The following DUSP5 variants were observed in gnomAD, a reference collection of about 807,000 sequenced individuals.
DUSP5 encodes the protein dual specificity protein phosphatase 5.
DUSP5 carries 22 observed loss-of-function variants against 33.6 expected under a neutral mutation model. The ratio of observed to expected loss-of-function variants is 0.66; its 90% CI spans 0.47 to 0.94. DUSP5 has a LOEUF of 0.94. Ranked by LOEUF, DUSP5 falls within the 40% of genes least tolerant of loss-of-function variation. The pLI is 0.00. For synonymous variants in DUSP5, 270 were observed against 231.1 expected (o/e 1.17, Z -1.53); for missense variants, 551 against 522.1 (o/e 1.06, Z -0.54).
chr10:110,504,489 C>CTGAT (rs1170043406), intron 2 of DUSP5, among the ~76,000 whole-genome samples: 1 of 152,216 alleles, frequency 6.6e-6, no homozygotes, highest in African/African-American at 2.4e-5. Context: ...AATTTCCAGG[C>CTGAT]ACTCAGGAGA....
In DUSP5 at chr10:110,510,293, A is replaced by G. The variant is rs1860172775; in HGVS notation, c.1022A>G (p.His341Arg). Residue 341 changes from histidine to arginine, a missense_variant, in exon 4 of 4, where the codon CAT (histidine) becomes CGT (arginine). Around this residue, in one of 3 missense-constraint regions of DUSP5, gnomAD observed 158 missense variants for 181.8 expected, o/e 0.87. Coordinates refer to ENST00000369583, the MANE Select transcript of DUSP5 (RefSeq NM_004419.4). ...GCAGCAGGCTCTTCACTGATAGGCC[A>G]TTTGCAGACACTGAGCCCTGACATG... ...GEAAGSSLIG[H>R]LQTLSPDMQG... The G allele has an allele frequency of 6.2e-7, 1 of 1,614,090 alleles. No individual in the cohort carries two copies. The highest frequency in any genetic ancestry group is 8.5e-7 in the Non-Finnish European group (1 of 1,180,014).
At position 110,509,235 on chromosome 10, in the gene DUSP5, T is replaced by C. The variant is rs1427245574; in HGVS notation, c.749-785T>C. Among the ~76,000 whole-genome samples, 2 of 152,204 alleles carry C rather than the reference T, an allele frequency of 1.3e-5. 1 individual carries two copies. Among genetic ancestry groups the C allele is most frequent in the Admixed American group, 1.3e-4 (2 of 15,286 alleles). ...GGGAGGTAGAACAGGAAGGGAGGCA[T>C]CCTCCCCTTTTTGTCATATTGAGCT... On this transcript the variant is annotated intron_variant, in intron 3 of 3. Transcript: ENST00000369583.
chr10:110,508,136 TCAC>T (rs1860141059), intron 3 of DUSP5, among the ~76,000 whole-genome samples: 4 of 152,120 alleles, frequency 2.6e-5, no homozygotes, highest in Admixed American at 2.6e-4. Context: ...GGCCCTCTGT[TCAC>T]CACACAATTT....
rs1859981851 is a variant in DUSP5 at position 110,498,167 on chromosome 10, C to A, written c.46C>A (p.Arg16Ser). The change falls in exon 1 of 4, where the codon CGC becomes AGC. Residue 16 changes from arginine to serine, a missense_variant. By Grantham distance (110) the Arg-to-Ser change is moderately radical. This residue lies in a region of DUSP5 where 381 missense variants were observed against 310.4 expected (regional missense o/e 1.23). Coordinates refer to ENST00000369583, the MANE Select transcript of DUSP5 (RefSeq NM_004419.4). ...CGGGCGCCAGCTGCGCAAGATGCTCCGCAAGGAGGCGGCGGCGCGCTGCGT... is the reference window on the plus strand; with the variant it reads ...CGGGCGCCAGCTGCGCAAGATGCTCAGCAAGGAGGCGGCGGCGCGCTGCGT... ...LDGRQLRKML[R>S]KEAAARCVVL... The A allele has an allele frequency of 2.0e-6, 3 of 1,486,644 alleles. No individual in the cohort carries two copies. Among genetic ancestry groups the A allele is most frequent in the Non-Finnish European group, 2.7e-6 (3 of 1,116,878 alleles). The allele number at this position is 1,486,644 out of a possible 1,614,324, so 92.1% of individuals were successfully genotyped here. A position where few individuals can be genotyped will look rare whatever the true frequency, so the allele number is the denominator to read the frequency against.
rs542612784 is a variant in DUSP5, at chr10:110,511,065, G to C, written c.*639G>C. The stretch of plus-strand genomic sequence containing the variant: ...TTTTTTTTGCCATGGGTTCTTCACT[G>C]ACCTTGGACTTTGGCATGATTCTTA... On this transcript the variant is annotated 3_prime_UTR_variant, in exon 4 of 4. Coordinates refer to ENST00000369583, the MANE Select transcript of DUSP5 (RefSeq NM_004419.4). 1 of 152,758 alleles carries C rather than the reference G, an allele frequency of 6.5e-6. No individual in the cohort carries two copies. The highest frequency in any genetic ancestry group is 2.1e-4 in the South Asian group (1 of 4,830). 9.5% of individuals were successfully genotyped at this position (152,758 alleles called of 1,614,324 possible).
intron 1 of DUSP5, among the ~76,000 whole-genome samples, chr10:110,498,787 G>A (rs1859998460): frequency 6.6e-6 from 1 of 152,064 alleles, no homozygotes; most frequent in Non-Finnish European, 1.5e-5. Flanking sequence ...TTTGGGGGCC[G>A]TCGGCTCGTG....
At chr10:110,498,540 G>A in intron 1 of DUSP5, 40 bp downstream of exon 1, 3 of 1,403,498 alleles carry the variant, frequency 2.1e-6, no homozygotes, top group Admixed American at 3.0e-5. Flanking sequence ...CCCCTCCGGC[G>A]CCCCCGGGTC....
chr10:110,506,659 G>A (rs1420644496), intron 2 of DUSP5, among the ~76,000 whole-genome samples: 6 of 152,054 alleles, frequency 3.9e-5, no homozygotes, highest in Non-Finnish European at 7.4e-5. Flanking sequence ...GAAGGCTGTC[G>A]GCATATCCTG....
At chr10:110,506,325 G>A (rs900072172) in intron 2 of DUSP5, among the ~76,000 whole-genome samples, 6 of 152,226 alleles carry the variant, frequency 3.9e-5, no homozygotes, top group African/African-American at 7.2e-5. Context: ...CCAGCTACTC[G>A]GGAGACTGAG....
In DUSP5 at chr10:110,510,864, G is replaced by A; in HGVS notation, c.*438G>A. The stretch of plus-strand genomic sequence containing the variant: ...TTTTTTGAACTTTGGCAGTTTCAAT[G>A]TCTGTCTCTGTTGCTTCGGGGCATA... On this transcript the variant is annotated 3_prime_UTR_variant, in exon 4 of 4. Transcript: ENST00000369583. The A allele has an allele frequency of 6.2e-6, 1 of 162,248 alleles. No individual in the cohort carries two copies. The highest frequency in any genetic ancestry group is 1.3e-5 in the Non-Finnish European group (1 of 74,300). 10.1% of individuals were successfully genotyped at this position (162,248 alleles called of 1,614,324 possible). A position where few individuals can be genotyped will look rare whatever the true frequency, so the allele number is the denominator to read the frequency against.
intron 2 of DUSP5, among the ~76,000 whole-genome samples, chr10:110,503,797 G>C (rs553463983): frequency 9.6e-4 from 146 of 152,304 alleles, no homozygotes; most frequent in Admixed American, 2.4e-3. Flanking sequence ...TTTCCACATG[G>C]CCTCTAATCT....
Position 110,511,038 on chromosome 10 carries a change from G to A in DUSP5, c.*612G>A, listed in dbSNP as rs773766417. The A allele has an allele frequency of 6.6e-6, 1 of 152,638 alleles. No individual in the cohort carries two copies. The highest frequency in any genetic ancestry group is 2.4e-5 in the African/African-American group (1 of 41,408). 9.5% of individuals were successfully genotyped at this position (152,638 alleles called of 1,614,324 possible). A position where few individuals can be genotyped will look rare whatever the true frequency, so the allele number is the denominator to read the frequency against. On this transcript the variant is annotated 3_prime_UTR_variant, in exon 4 of 4. Transcript: ENST00000369583. Reference sequence around the variant, plus strand: ...AAGTAGCAAGATGTTGGCTTTTCTGGATTTTTTTTGCCATGGGTTCTTCAC... The same window carrying A: ...AAGTAGCAAGATGTTGGCTTTTCTGAATTTTTTTTGCCATGGGTTCTTCAC...
At chr10:110,499,635 G>C (rs1478009043) in intron 1 of DUSP5, among the ~76,000 whole-genome samples, 3 of 152,176 alleles carry the variant, frequency 2.0e-5, no homozygotes, top group African/African-American at 7.2e-5. Flanking sequence ...TCCCCTCTCT[G>C]CTAGCACCTC....
chr10:110,510,376 A>G lies in DUSP5; in HGVS notation c.1105A>G (p.Thr369Ala), dbSNP rs142629528. The G allele has an allele frequency of 7.4e-6, 12 of 1,612,056 alleles. No individual in the cohort carries two copies. In the African/African-American group the frequency reaches 8.0e-5, roughly 11 times the overall value. Residue 369 changes from threonine to alanine, a missense_variant, in exon 4 of 4, where the codon ACA (threonine) becomes GCA (alanine). Thr to Ala is a moderately conservative substitution (Grantham distance 58, BLOSUM62 0). Around this residue, in one of 3 missense-constraint regions of DUSP5, gnomAD observed 158 missense variants for 181.8 expected, o/e 0.87. Transcript: ENST00000369583. ...GCTGGCACCGGTGCCTACCCACTCA[A>G]CAGTCTCAGAGCTCAGCAGAAGCCC... ...SVLAPVPTHSTVSELSRSPVA... is the reference protein window; with the variant it reads ...SVLAPVPTHSAVSELSRSPVA...
intron 2 of DUSP5, 87 bp downstream of exon 2, chr10:110,502,956 C>A (rs956050064): frequency 1.3e-6 from 2 of 1,539,332 alleles, no homozygotes; most frequent in African/African-American, 2.7e-5. Context: ...CTGTTCTCTC[C>A]CCACTCAGCA....
rs76989225 is a variant in DUSP5 at position 110,510,150 on chromosome 10, C to G, written c.879C>G (p.Ile293Met). 19,815 of 1,614,202 alleles carry G rather than the reference C, an allele frequency of 0.012. 169 individuals are homozygous for G. The highest frequency in any genetic ancestry group is 0.014 in the Non-Finnish European group (17,100 of 1,180,040). ...QFRLKEAFDY[I>M]KQRRSMVSPN... ...GCCTGAAGGAGGCCTTCGATTACAT[C>G]AAGCAGAGGAGGAGCATGGTCTCGC... The change falls in exon 4 of 4, where the codon ATC becomes ATG. Residue 293 changes from isoleucine (I) to methionine (M), a missense_variant. Ile to Met is a conservative substitution (Grantham distance 10). Around this residue, in one of 3 missense-constraint regions of DUSP5, gnomAD observed 158 missense variants for 181.8 expected, o/e 0.87. Transcript: ENST00000369583.
Position 110,498,287 on chromosome 10 carries a change from CG to C in DUSP5, c.170del (p.Gly57AlafsTer87). 2.1e-6 allele frequency: 3 copies of C among 1,442,938 alleles called. No homozygotes were observed. Among genetic ancestry groups the C allele is most frequent in the Non-Finnish European group, 1.8e-6 (2 of 1,091,248 alleles). The allele number at this position is 1,442,938 out of a possible 1,614,324, so 89.4% of individuals were successfully genotyped here. A position where few individuals can be genotyped will look rare whatever the true frequency, so the allele number is the denominator to read the frequency against. On this transcript the variant is annotated frameshift_variant, in exon 1 of 4. Coordinates refer to ENST00000369583, the MANE Select transcript of DUSP5 (RefSeq NM_004419.4). LOFTEE classifies it high-confidence loss of function. ...CAACTCGGTGGTGCTGCGGCGGGCCCGGGGCGGCGCGGTGTCGGCGCGCTAC... is the reference window on the plus strand; with the variant it reads ...CAACTCGGTGGTGCTGCGGCGGGCCCGGGCGGCGCGGTGTCGGCGCGCTAC... ...NLNSVVLRRARGGAVSARYVL... is the reference protein window; with the variant it reads ...NLNSVVLRRAXGGAVSARYVL...
Position 110,498,487 on chromosome 10 carries a change from C to T in DUSP5, c.366C>T (p.Val122=), listed in dbSNP as rs1456621635. The part of the protein sequence containing the change: ...LLACLPAGPR[V]YFLKGGYETF... ...CTTGCCTACCCGCCGGCCCGCGGGT[C>T]TACTTCCTCAAAGGTGAGCGCTCGG... Residue 122 remains valine, a synonymous_variant, in exon 1 of 4, where the codon GTC becomes GTT. Transcript: ENST00000369583. The T allele has an allele frequency of 6.5e-7, 1 of 1,540,582 alleles. No individual in the cohort carries two copies. The highest frequency in any genetic ancestry group is 2.6e-5 in the East Asian group (1 of 38,608).
At chr10:110,506,793 C>A in intron 2 of DUSP5, 142 bp from the exon 3 acceptor site, 1 of 854,938 alleles carries the variant, frequency 1.2e-6, no homozygotes, top group Non-Finnish European at 1.9e-6. Context: ...CTTGGTTGAA[C>A]TGCCCTGGCT....
Sources: allele counts gnomAD v4.1 joint callset (sites outside exome capture counted in the v4.1 genomes callset), GRCh38; gene constraint gnomAD v4.1.1; regional missense constraint gnomAD v4.1.1; transcripts MANE v1.5; gene names NCBI Gene and HGNC (gene_info 2026-07-23, HGNC 2026-07-21).